Variants in NTRK3 observed in about 807,000 individuals in gnomAD.
NTRK3 encodes neurotrophic receptor tyrosine kinase 3.
Under a neutral mutation model 91.7 loss-of-function variants are expected in NTRK3, and 24 were observed. The ratio of observed to expected loss-of-function variants is 0.26; its 90% CI spans 0.19 to 0.37. NTRK3 has a LOEUF of 0.37. Ranked by LOEUF, NTRK3 falls within the 10% of genes least tolerant of loss-of-function variation. The pLI, the probability that NTRK3 is intolerant of heterozygous loss-of-function variation, is 1.00. For synonymous variants in NTRK3, 483 were observed against 404.0 expected (o/e 1.20, Z -2.34); for missense variants, 880 against 1,068.9 (o/e 0.82, Z 2.46).
exon 19 of NTRK3, chr15:87,868,229 G>A (rs1225655282): frequency 8.7e-6 from 2 of 229,816 alleles, no homozygotes; most frequent in Non-Finnish European, 1.7e-5. Context: ...AAACGTGAAT[G>A]TAGTTTGCAC....
intron 13 of NTRK3, among the ~76,000 whole-genome samples, chr15:88,115,488 G>A (rs1256866929): frequency 6.6e-6 from 1 of 152,200 alleles, no homozygotes. Flanking sequence ...GGAACCACCC[G>A]GACGCCCTCC....
intron 14 of NTRK3, chr15:87,978,750 G>C (rs1272061205): frequency 1.3e-5 from 3 of 234,082 alleles, no homozygotes; most frequent in Admixed American, 1.1e-4. Context: ...AAAGTGATTG[G>C]TTTCCATTCT....
At chr15:88,247,771 T>A (rs540386635) in intron 3 of NTRK3, among the ~76,000 whole-genome samples, 1 of 152,190 alleles carries the variant, frequency 6.6e-6, no homozygotes, top group African/African-American at 2.4e-5. Flanking sequence ...AGAAGAAAGT[T>A]GTATCTGTCT....
At chr15:87,942,035 G>A (rs995248640) in intron 14 of NTRK3, among the ~76,000 whole-genome samples, 5 of 152,212 alleles carry the variant, frequency 3.3e-5, no homozygotes, top group Admixed American at 6.5e-5. Context: ...ATGAGGAGAC[G>A]TAATAGGGAC....
chr15:87,992,329 C>T (rs558408313), intron 14 of NTRK3, among the ~76,000 whole-genome samples: 44 of 152,328 alleles, frequency 2.9e-4, no homozygotes, highest in African/African-American at 9.9e-4. Flanking sequence ...GTCCTCACTT[C>T]CACAGTATTC....
chr15:88,030,109 T>C (rs2078391028), intron 14 of NTRK3, among the ~76,000 whole-genome samples: 1 of 152,260 alleles, frequency 6.6e-6, no homozygotes, highest in Non-Finnish European at 1.5e-5. Context: ...AGGGTTCTGA[T>C]GATCTGGAGT....
intron 13 of NTRK3, among the ~76,000 whole-genome samples, chr15:88,082,656 A>G (rs948211182): frequency 6.6e-6 from 1 of 152,226 alleles, no homozygotes; most frequent in East Asian, 1.9e-4. Flanking sequence ...AATGTCCATG[A>G]GACACTTATT....
At chr15:87,951,554 T>C (rs2141115545) in intron 14 of NTRK3, among the ~76,000 whole-genome samples, 1 of 152,316 alleles carries the variant, frequency 6.6e-6, no homozygotes, top group South Asian at 2.1e-4. Flanking sequence ...CTTACCCTCA[T>C]TCTTTCCCCC....
chr15:87,944,882 G>A (rs775276993), intron 14 of NTRK3, among the ~76,000 whole-genome samples: 3 of 152,372 alleles, frequency 2.0e-5, no homozygotes, highest in South Asian at 2.1e-4. Context: ...ACGTCCACGC[G>A]TCTATTTGGG....
exon 15 of NTRK3, chr15:87,940,634 C>A: frequency 6.2e-7 from 1 of 1,613,948 alleles, no homozygotes; most frequent in Non-Finnish European, 8.5e-7. Context: ...TTCACAGCCA[C>A]AAGCATCTTG....
chr15:88,134,596 G>A (rs2151185101), intron 10 of NTRK3, among the ~76,000 whole-genome samples: 1 of 152,302 alleles, frequency 6.6e-6, no homozygotes, highest in East Asian at 1.9e-4. Flanking sequence ...GTTAAATGGA[G>A]GGTTAAACTG....
intron 18 of NTRK3, 124 bp downstream of exon 19, chr15:87,880,146 G>A: frequency 1.7e-6 from 2 of 1,201,334 alleles, no homozygotes; most frequent in Non-Finnish European, 2.5e-6. Flanking sequence ...TCCCACTAAT[G>A]CCTGCATTCA....
At chr15:87,979,110 G>A (rs765768905) in intron 14 of NTRK3, 18 of 596,540 alleles carry the variant, frequency 3.0e-5, no homozygotes, top group African/African-American at 7.4e-5. Flanking sequence ...GAGCTGCCTC[G>A]TAGGCCGGGA....
intron 13 of NTRK3, among the ~76,000 whole-genome samples, chr15:88,081,129 T>A (rs1480233076): frequency 6.6e-6 from 1 of 152,140 alleles, no homozygotes; most frequent in Non-Finnish European, 1.5e-5. Context: ...GAAAACTGTT[T>A]CCCAAAGCTT....
chr15:88,018,589 A>G (rs1029815710), intron 14 of NTRK3, among the ~76,000 whole-genome samples: 2 of 152,078 alleles, frequency 1.3e-5, no homozygotes, highest in East Asian at 3.9e-4. Context: ...AGAAAGAATG[A>G]CTTCATGAAA....
chr15:87,894,869 G>A (rs150008627), intron 17 of NTRK3, among the ~76,000 whole-genome samples: 1 of 152,242 alleles, frequency 6.6e-6, no homozygotes, highest in Admixed American at 6.5e-5. Context: ...TCTGAGTTGT[G>A]GATACTGGAC....
chr15:87,883,975 A>G (rs1441982954), intron 17 of NTRK3, among the ~76,000 whole-genome samples: 1 of 125,050 alleles, frequency 8.0e-6, no homozygotes, highest in Non-Finnish European at 1.8e-5. Context: ...TAAATTAATA[A>G]GGATTCAGCA....
chr15:87,953,537 A>G (rs2071359524), intron 14 of NTRK3, among the ~76,000 whole-genome samples: 1 of 152,320 alleles, frequency 6.6e-6, no homozygotes, highest in Non-Finnish European at 1.5e-5. Flanking sequence ...TCAGTGGAAA[A>G]TAGAGAAGGG....
At chr15:88,027,344 T>C (rs985509538) in intron 14 of NTRK3, among the ~76,000 whole-genome samples, 7 of 152,188 alleles carry the variant, frequency 4.6e-5, no homozygotes, top group African/African-American at 1.4e-4. Flanking sequence ...AGGCTGTTGA[T>C]ACAAATCAAT....
Sources: gnomAD v4.1 joint callset for allele counts (sites outside exome capture counted in the v4.1 genomes callset) on GRCh38, gnomAD v4.1.1 for gene constraint, MANE v1.5 for transcripts, NCBI Gene and HGNC (gene_info 2026-07-23, HGNC 2026-07-21) for gene names.